SIRPA: variants seen among roughly 807,000 people sequenced by gnomAD.
The protein encoded by SIRPA is tyrosine-protein phosphatase non-receptor type substrate 1.
Under a neutral mutation model 50.3 loss-of-function variants are expected in SIRPA, and 9 were observed. That is an observed-to-expected ratio of 0.18 (90% CI 0.11 to 0.31). The LOEUF is 0.31. Among genes scored for constraint, SIRPA ranks in the 10% least tolerant of loss-of-function variants. The pLI, the probability that SIRPA is intolerant of heterozygous loss-of-function variation, is 1.00. For missense variants in SIRPA, 474 were observed against 661.6 expected, an observed-to-expected ratio of 0.72 and a Z score of 3.11; for synonymous variants, 265 against 284.1, an observed-to-expected ratio of 0.93 and a Z score of 0.68.
In SIRPA at chr20:1,938,416, C is replaced by G. The variant is rs1191926294; in HGVS notation, c.*848C>G. 6.6e-6 allele frequency: 1 copy of G among 152,594 alleles called. No homozygotes were observed. Among genetic ancestry groups the G allele is most frequent in the Non-Finnish European group, 1.5e-5 (1 of 68,062 alleles). 9.5% of individuals were successfully genotyped at this position (152,594 alleles called of 1,614,324 possible). ...AAACTGAGGTGTTAGAAAACTTGAT[C>G]TGTGGTGTTTTGTTTTGTTTTTTTT... On this transcript the variant is annotated 3_prime_UTR_variant, in exon 8 of 8. Transcript: ENST00000358771.
Position 1,921,417 on chromosome 20 carries a change from A to G in SIRPA, c.459A>G (p.Val153=). The G allele has an allele frequency of 6.2e-7, 1 of 1,613,698 alleles. No homozygotes were observed. The highest frequency in any genetic ancestry group is 8.5e-7 in the Non-Finnish European group (1 of 1,179,672). ...SVRAKPSAPV[V]SGPAARATPQ... The stretch of plus-strand genomic sequence containing the variant: ...TAGCCAAACCCTCTGCCCCCGTGGT[A>G]TCGGGCCCTGCGGCGAGGGCCACAC... The change falls in exon 3 of 8, where the codon GTA becomes GTG. Residue 153 remains valine, a synonymous_variant. Transcript: ENST00000358771.
In SIRPA at chr20:1,934,233, A is replaced by C. The variant is rs1379160843; in HGVS notation, c.1227-482A>C. Among the ~76,000 whole-genome samples the C allele has an allele frequency of 1.3e-5, 2 of 152,220 alleles. No individual in the cohort carries two copies. On this transcript the variant is annotated intron_variant, in intron 6 of 7. Coordinates refer to ENST00000358771, the MANE Select transcript of SIRPA (RefSeq NM_001040023.2). This position sits in a 1 kb window ranked among gnomAD's most constrained non-coding sequence, Gnocchi z 4.6. ...CAGTCCCAATTGGCAGAGCCCTAAG[A>C]CATAAACCTCCTCCCCCATCCAGCC...
chr20:1,918,360 C>CTTTTTTT (rs60736526), intron 2 of SIRPA, among the ~76,000 whole-genome samples: 258 of 95,622 alleles, frequency 2.7e-3, no homozygotes, highest in Middle Eastern at 0.015. Flanking sequence ...ACCACACCAG[C>CTTTTTTT]TTTTTTTTTT....
At chr20:1,916,441 C>T (rs1985302260) in intron 2 of SIRPA, among the ~76,000 whole-genome samples, 1 of 152,156 alleles carries the variant, frequency 6.6e-6, no homozygotes, top group Non-Finnish European at 1.5e-5. Flanking sequence ...CTTCATTAGC[C>T]ATTGTTTACA....
chr20:1,921,581 G>A lies in SIRPA; in HGVS notation c.623G>A (p.Ser208Asn), dbSNP rs888745506. The A allele has an allele frequency of 6.2e-6, 10 of 1,614,086 alleles. No individual in the cohort carries two copies. In the African/African-American group the frequency reaches 1.2e-4, roughly 19 times the overall value. ...CCCGTAGGAGAGAGCGTGTCCTACA[G>A]CATCCACAGCACAGCCAAGGTGGTG... ...VDPVGESVSY[S>N]IHSTAKVVLT... Residue 208 changes from serine to asparagine, a missense_variant, in exon 3 of 8, where the codon AGC (serine) becomes AAC (asparagine). Coordinates refer to ENST00000358771, the MANE Select transcript of SIRPA (RefSeq NM_001040023.2).
rs769963016 is a variant in SIRPA at position 1,928,180 on chromosome 20, C to T, written c.1226+281C>T. 1.3e-5 allele frequency among the ~76,000 whole-genome samples: 2 copies of T among 152,192 alleles called. No homozygotes were observed. Among genetic ancestry groups the T allele is most frequent in the African/African-American group, 2.4e-5 (1 of 41,450 alleles). ...CATGTGGACTGGGGCAGAGACCTCCCGGGCTTTCTGTCCTCACAGACATCC... is the reference window on the plus strand; with the variant it reads ...CATGTGGACTGGGGCAGAGACCTCCTGGGCTTTCTGTCCTCACAGACATCC... On this transcript the variant is annotated intron_variant, in intron 6 of 7. Coordinates refer to ENST00000358771, the MANE Select transcript of SIRPA (RefSeq NM_001040023.2). This position sits in a 1 kb window ranked among gnomAD's most constrained non-coding sequence, Gnocchi z 4.9.
At chr20:1,899,654 A>G (rs1730020389) in intron 1 of SIRPA, among the ~76,000 whole-genome samples, 1 of 152,024 alleles carries the variant, frequency 6.6e-6, no homozygotes, top group African/African-American at 2.4e-5. Flanking sequence ...CCGAGGTTCA[A>G]TTTAATGTGC....
chr20:1,901,716 C>T (rs534369728), intron 1 of SIRPA, among the ~76,000 whole-genome samples: 2 of 152,272 alleles, frequency 1.3e-5, no homozygotes, highest in South Asian at 2.1e-4. Flanking sequence ...AGGTGGAAGT[C>T]GGAAATGCTG....
At position 1,927,595 on chromosome 20, in the gene SIRPA, AG is replaced by A. The variant is rs559053994; in HGVS notation, c.1202-278del. Among the ~76,000 whole-genome samples, 332 of 152,300 alleles carry A rather than the reference AG, an allele frequency of 2.2e-3. 2 individuals carry two copies. The highest frequency in any genetic ancestry group is 7.5e-3 in the African/African-American group (313 of 41,570). ...TTGAATGGAGGTGAGACCCAGACAG[AG>A]GTAGGGCGGTTGTCGCCTCCCAGGC... On this transcript the variant is annotated intron_variant, in intron 5 of 7. Coordinates refer to ENST00000358771, the MANE Select transcript of SIRPA (RefSeq NM_001040023.2). The surrounding 1 kb of genome is among the most constrained non-coding windows in gnomAD (Gnocchi z 6.5).
chr20:1,908,587 CCTT>C (rs1984690261), intron 1 of SIRPA, among the ~76,000 whole-genome samples: 3 of 152,192 alleles, frequency 2.0e-5, no homozygotes, highest in South Asian at 2.1e-4. Flanking sequence ...TCACACTCCT[CCTT>C]GTGCCCACCC....
chr20:1,896,364 G>A (rs971979180), intron 1 of SIRPA, among the ~76,000 whole-genome samples: 1 of 151,064 alleles, frequency 6.6e-6, no homozygotes, highest in Admixed American at 6.6e-5. Flanking sequence ...TACTGTGCAT[G>A]TTCACCAAAG....
Position 1,934,732 on chromosome 20 carries a change from A to C in SIRPA, c.1244A>C (p.Lys415Thr), listed in dbSNP as rs1986478657. The change falls in exon 7 of 8, where the codon AAG (lysine) becomes ACG (threonine). Residue 415 changes from lysine (K) to threonine (T), a missense_variant. Physicochemically the swap from Lys to Thr is moderately conservative, Grantham distance 78. Around this residue, in one of 4 missense-constraint regions of SIRPA, gnomAD observed 180 missense variants for 206.7 expected, o/e 0.87. Transcript: ENST00000358771. This position sits in a 1 kb window ranked among gnomAD's most constrained non-coding sequence, Gnocchi z 4.6. ...TSSTRLHEPE[K>T]NAREITQDTN... ...CTTTTTAGGTTGCATGAGCCCGAGA[A>C]GAATGCCAGAGAAATAACACAGGTA... 7.4e-6 allele frequency: 12 copies of C among 1,614,152 alleles called. No individual in the cohort carries two copies. Among genetic ancestry groups the C allele is most frequent in the Non-Finnish European group, 9.3e-6 (11 of 1,180,020 alleles).
chr20:1,910,742 A>G (rs1984841062), intron 1 of SIRPA, among the ~76,000 whole-genome samples: 1 of 152,214 alleles, frequency 6.6e-6, no homozygotes, highest in African/African-American at 2.4e-5. Flanking sequence ...CAATTTAGAG[A>G]AGCTGAAACA....
chr20:1,902,678 CAG>C (rs1280274571), intron 1 of SIRPA, among the ~76,000 whole-genome samples: 4 of 152,094 alleles, frequency 2.6e-5, no homozygotes, highest in African/African-American at 9.7e-5. Flanking sequence ...TTAGTCAGGA[CAG>C]AGGGAGGGCC....
rs538413784 is a variant in SIRPA, at chr20:1,932,157, A to T, written c.1227-2558A>T. ...TGCTGGGGCTTCAGCAGTGAATGAG[A>T]CTGGCCCAGTTCCTCCCTGTGTGAA... On this transcript the variant is annotated intron_variant, in intron 6 of 7. Transcript: ENST00000358771. The surrounding 1 kb of genome is among the most constrained non-coding windows in gnomAD (Gnocchi z 6.0). Among the ~76,000 whole-genome samples the T allele has an allele frequency of 5.3e-5, 8 of 152,170 alleles. No homozygotes were observed. The highest frequency in any genetic ancestry group is 1.2e-4 in the Non-Finnish European group (8 of 68,020).
chr20:1,900,103 C>CTTTTTTTTTTTTTTTTTT (rs11481009), intron 1 of SIRPA, among the ~76,000 whole-genome samples: 1 of 127,192 alleles, frequency 7.9e-6, no homozygotes, highest in African/African-American at 3.0e-5. Flanking sequence ...TTTTTTTTTT[C>CTTTTTTTTTTTTTTTTTT]TTTTTTTTTT....
intron 1 of SIRPA, 91 bp downstream of exon 1, chr20:1,895,617 G>T: frequency 8.9e-6 from 9 of 1,015,958 alleles, no homozygotes; most frequent in Non-Finnish European, 1.2e-5. Flanking sequence ...GGCTAATGCC[G>T]AGCAGTAATA....
chr20:1,933,328 G>A lies in SIRPA; in HGVS notation c.1227-1387G>A, dbSNP rs975867906. 5.3e-5 allele frequency among the ~76,000 whole-genome samples: 8 copies of A among 151,950 alleles called. No homozygotes were observed. The highest frequency in any genetic ancestry group is 1.9e-4 in the African/African-American group (8 of 41,328). On this transcript the variant is annotated intron_variant, in intron 6 of 7. Transcript: ENST00000358771. The surrounding 1 kb of genome is among the most constrained non-coding windows in gnomAD (Gnocchi z 4.4). ...AGTCTTGAAGGAAACAGGAAAGTTAGCCAAGAGGAAAAATGATCAAAGGGG... is the reference window on the plus strand; with the variant it reads ...AGTCTTGAAGGAAACAGGAAAGTTAACCAAGAGGAAAAATGATCAAAGGGG...
Position 1,937,170 on chromosome 20 carries a change from C to G in SIRPA, c.1267-150C>G. On this transcript the variant is annotated intron_variant, in intron 7 of 7. Transcript: ENST00000358771. The surrounding 1 kb of genome is among the most constrained non-coding windows in gnomAD (Gnocchi z 8.3). ...CAAGGCTGGAGGCAAGTAACGTTGG[C>G]AAGAGATGAGGGGAACATGACTTAT... 1.1e-6 allele frequency: 1 copy of G among 928,518 alleles called. No homozygotes were observed. Among genetic ancestry groups the G allele is most frequent in the Non-Finnish European group, 1.6e-6 (1 of 622,562 alleles). 57.5% of individuals were successfully genotyped at this position (928,518 alleles called of 1,614,324 possible). A position where few individuals can be genotyped will look rare whatever the true frequency, so the allele number is the denominator to read the frequency against.
Sources: allele counts gnomAD v4.1 joint callset (sites outside exome capture counted in the v4.1 genomes callset), GRCh38; gene constraint gnomAD v4.1.1; regional missense constraint gnomAD v4.1.1; non-coding constraint Gnocchi (gnomAD v3.1); transcripts MANE v1.5; gene names NCBI Gene and HGNC (gene_info 2026-07-23, HGNC 2026-07-21).